Variants in PPM1H observed in about 807,000 individuals in gnomAD.
PPM1H encodes the protein protein phosphatase, Mg2+/Mn2+ dependent 1H.
In PPM1H, 27 loss-of-function variants were observed where a neutral mutation model predicts 54.9. The ratio of observed to expected loss-of-function variants is 0.49; its 90% CI spans 0.36 to 0.68. PPM1H has a LOEUF of 0.68. Ranked by LOEUF, PPM1H falls within the 30% of genes least tolerant of loss-of-function variation. The probability of loss-of-function intolerance (pLI) is 0.00; values close to 1 mark genes in which losing one functional copy is unlikely to be tolerated. For synonymous variants in PPM1H, 305 were observed against 270.8 expected (o/e 1.13, Z -1.24); for missense variants, 596 against 667.8 (o/e 0.89, Z 1.19).
In PPM1H at chr12:62,657,151, C is replaced by T. The variant is rs145835693; in HGVS notation, c.1398-8515G>A. On this transcript the variant is annotated intron_variant, in intron 9 of 9. Transcript: ENST00000228705. Reference sequence around the variant, plus strand: ...TGGGAGTTTGTGTGCTGCCAGCAGACACAAAGCTGCAGACTGGAGGGAGTT... The same window carrying T: ...TGGGAGTTTGTGTGCTGCCAGCAGATACAAAGCTGCAGACTGGAGGGAGTT... 3.9e-3 allele frequency among the ~76,000 whole-genome samples: 600 copies of T among 152,248 alleles called. 3 individuals are homozygous for T. Among genetic ancestry groups the T allele is most frequent in the African/African-American group, 0.014 (566 of 41,552 alleles).
At chr12:62,701,764 T>C (rs2076145167) in intron 6 of PPM1H, among the ~76,000 whole-genome samples, 1 of 152,126 alleles carries the variant, frequency 6.6e-6, no homozygotes, top group African/African-American at 2.4e-5. Flanking sequence ...TGCTGGCTCC[T>C]GGACATCACT....
chr12:62,823,040 C>A (rs867539051), intron 2 of PPM1H, among the ~76,000 whole-genome samples: 4 of 152,060 alleles, frequency 2.6e-5, no homozygotes, highest in South Asian at 2.1e-4. Context: ...CAAATAGATG[C>A]AATAAAAAAT....
intron 2 of PPM1H, among the ~76,000 whole-genome samples, chr12:62,818,749 T>C (rs757424221): frequency 2.0e-5 from 3 of 152,166 alleles, no homozygotes; most frequent in Admixed American, 6.5e-5. Flanking sequence ...TCATTTGTCA[T>C]TGAGAACGCC....
chr12:62,742,708 T>C (rs555463913), intron 4 of PPM1H, among the ~76,000 whole-genome samples: 9 of 152,314 alleles, frequency 5.9e-5, no homozygotes, highest in Non-Finnish European at 1.0e-4. Context: ...CACTCTGACC[T>C]TCCTTCTGGG....
At chr12:62,725,681 G>T (rs2076285941) in intron 5 of PPM1H, among the ~76,000 whole-genome samples, 1 of 151,988 alleles carries the variant, frequency 6.6e-6, no homozygotes, top group African/African-American at 2.4e-5. Flanking sequence ...TGTTTATCTT[G>T]TCTTTTCTTA....
chr12:62,926,217 G>A (rs1233251704), intron 1 of PPM1H, among the ~76,000 whole-genome samples: 8 of 152,146 alleles, frequency 5.3e-5, no homozygotes, highest in African/African-American at 1.9e-4. Context: ...TGAAAGAATG[G>A]CCACTTTGTT....
At chr12:62,916,687 CAGA>C (rs1871634697) in intron 1 of PPM1H, among the ~76,000 whole-genome samples, 2 of 151,466 alleles carry the variant, frequency 1.3e-5, no homozygotes, top group South Asian at 4.2e-4. Context: ...GTACTTAAAT[CAGA>C]AGAACTCTAC....
At chr12:62,889,501 T>A (rs1241625315) in intron 1 of PPM1H, among the ~76,000 whole-genome samples, 2 of 151,822 alleles carry the variant, frequency 1.3e-5, no homozygotes, top group Non-Finnish European at 2.9e-5. Flanking sequence ...TAAAAAAATT[T>A]AAAAAATATA....
At chr12:62,708,905 G>T (rs1349253526) in intron 6 of PPM1H, among the ~76,000 whole-genome samples, 3 of 151,982 alleles carry the variant, frequency 2.0e-5, no homozygotes, top group Non-Finnish European at 4.4e-5. Flanking sequence ...ATATGTCCTG[G>T]ATATACATAT....
chr12:62,686,800 TAG>T (rs1421266290), intron 8 of PPM1H, among the ~76,000 whole-genome samples: 2 of 152,238 alleles, frequency 1.3e-5, no homozygotes, highest in African/African-American at 4.8e-5. Flanking sequence ...CAACATTTAC[TAG>T]AGTTTTCTCT....
intron 6 of PPM1H, among the ~76,000 whole-genome samples, chr12:62,717,165 C>G (rs933503628): frequency 5.9e-5 from 9 of 152,128 alleles, no homozygotes; most frequent in Non-Finnish European, 1.3e-4. Flanking sequence ...TTCTTAGGTT[C>G]TTCTGACAAA....
intron 2 of PPM1H, among the ~76,000 whole-genome samples, chr12:62,811,902 T>C (rs1316495201): frequency 6.6e-6 from 1 of 152,204 alleles, no homozygotes; most frequent in Non-Finnish European, 1.5e-5. Flanking sequence ...CTAATACAAA[T>C]CTATCAAGCA....
chr12:62,794,826 C>T (rs2076722810), intron 3 of PPM1H, among the ~76,000 whole-genome samples: 1 of 152,078 alleles, frequency 6.6e-6, no homozygotes, highest in African/African-American at 2.4e-5. Flanking sequence ...TGTCCTGGGC[C>T]AAGCGACAAT....
At chr12:62,666,987 T>C (rs576948998) in intron 9 of PPM1H, among the ~76,000 whole-genome samples, 191 bp downstream of exon 9, 38 of 152,296 alleles carry the variant, frequency 2.5e-4, no homozygotes, top group South Asian at 8.3e-4. Context: ...GCTGGGATTA[T>C]AGGCATGAGA....
chr12:62,807,982 C>A (rs1425766436), intron 2 of PPM1H, among the ~76,000 whole-genome samples: 1 of 152,168 alleles, frequency 6.6e-6, no homozygotes. Flanking sequence ...GGACTACAGG[C>A]ATGTGCCACC....
At chr12:62,724,252 C>A (rs2076277873) in intron 5 of PPM1H, among the ~76,000 whole-genome samples, 1 of 152,160 alleles carries the variant, frequency 6.6e-6, no homozygotes, top group Non-Finnish European at 1.5e-5. Flanking sequence ...AATTTGTTTG[C>A]TTTTCTCTTG....
At chr12:62,761,927 C>T (rs796691515) in intron 4 of PPM1H, among the ~76,000 whole-genome samples, 14 of 152,262 alleles carry the variant, frequency 9.2e-5, no homozygotes, top group African/African-American at 2.9e-4. Context: ...CTCCCAGAAG[C>T]GGCTCTTCCC....
chr12:62,841,693 T>C (rs1868755730), intron 1 of PPM1H, among the ~76,000 whole-genome samples: 1 of 152,206 alleles, frequency 6.6e-6, no homozygotes, highest in Admixed American at 6.5e-5. Context: ...GAACTTAACA[T>C]GCAGTTTGGC....
intron 1 of PPM1H, among the ~76,000 whole-genome samples, chr12:62,901,031 C>T (rs1179945708): frequency 1.3e-5 from 2 of 152,226 alleles, no homozygotes; most frequent in Non-Finnish European, 2.9e-5. Context: ...CAGACAAGCT[C>T]TGGGAACATA....
Sources: gnomAD v4.1 joint callset for allele counts (sites outside exome capture counted in the v4.1 genomes callset) on GRCh38, gnomAD v4.1.1 for gene constraint, MANE v1.5 for transcripts, NCBI Gene and HGNC (gene_info 2026-07-23, HGNC 2026-07-21) for gene names.